Variants in PCOLCE2 observed in about 807,000 individuals in gnomAD.
The protein encoded by PCOLCE2 is procollagen C-proteinase enhancer 2.
Under a neutral mutation model 47.0 loss-of-function variants are expected in PCOLCE2, and 42 were observed. The ratio of observed to expected loss-of-function variants is 0.89; its 90% CI spans 0.70 to 1.16. PCOLCE2 has a LOEUF of 1.16. Among genes scored for constraint, PCOLCE2 ranks in the 50% most tolerant of loss-of-function variants. The pLI is 0.00. For missense variants in PCOLCE2, 500 were observed against 526.1 expected, an observed-to-expected ratio of 0.95 and a Z score of 0.49; for synonymous variants, 169 against 191.7, an observed-to-expected ratio of 0.88 and a Z score of 0.98.
intron 2 of PCOLCE2, among the ~76,000 whole-genome samples, chr3:142,848,798 C>T (rs895113477): frequency 6.6e-6 from 1 of 152,136 alleles, no homozygotes; most frequent in African/African-American, 2.4e-5. Flanking sequence ...CTGATTGGAC[C>T]TTAGCATATA....
intron 2 of PCOLCE2, among the ~76,000 whole-genome samples, chr3:142,849,097 G>A (rs925207844): frequency 1.2e-4 from 18 of 151,740 alleles, no homozygotes; most frequent in Non-Finnish European, 2.4e-4. Context: ...AGCTTGCAGT[G>A]AGCCGAGATC....
intron 2 of PCOLCE2, among the ~76,000 whole-genome samples, chr3:142,883,700 A>T (rs1287881855): frequency 7.4e-6 from 1 of 135,742 alleles, no homozygotes; most frequent in East Asian, 2.1e-4. Flanking sequence ...ACTTTTCTTT[A>T]AAAAAAAAAA....
intron 2 of PCOLCE2, among the ~76,000 whole-genome samples, chr3:142,855,208 C>T (rs1304467031): frequency 1.3e-5 from 2 of 152,204 alleles, no homozygotes; most frequent in Non-Finnish European, 2.9e-5. Context: ...GATTATTTAT[C>T]ATCTGTCTCA....
At chr3:142,865,251 T>C (rs943787236) in intron 2 of PCOLCE2, among the ~76,000 whole-genome samples, 3 of 152,128 alleles carry the variant, frequency 2.0e-5, no homozygotes, top group Non-Finnish European at 4.4e-5. Context: ...ATGTTGAGCA[T>C]CTCTTCATGT....
chr3:142,857,299 G>A (rs1351408745), intron 2 of PCOLCE2, among the ~76,000 whole-genome samples: 1 of 152,338 alleles, frequency 6.6e-6, no homozygotes, highest in East Asian at 1.9e-4. Flanking sequence ...ATCAGTGTGT[G>A]TCCTGCCTGC....
chr3:142,876,251 G>A (rs1326089828), intron 2 of PCOLCE2, among the ~76,000 whole-genome samples: 1 of 152,200 alleles, frequency 6.6e-6, no homozygotes, highest in Non-Finnish European at 1.5e-5. Flanking sequence ...TGTTCAATAA[G>A]TATAATATTT....
intron 6 of PCOLCE2, among the ~76,000 whole-genome samples, chr3:142,829,030 G>C (rs569502179): frequency 6.6e-6 from 1 of 152,102 alleles, no homozygotes; most frequent in African/African-American, 2.4e-5. Context: ...TTTCCTTCCC[G>C]CTTTTCCCCC....
chr3:142,880,957 TA>T (rs1560142672), intron 2 of PCOLCE2, among the ~76,000 whole-genome samples: 1 of 152,228 alleles, frequency 6.6e-6, no homozygotes, highest in Non-Finnish European at 1.5e-5. Flanking sequence ...CAATAATTTT[TA>T]AAAGTGAAAA....
At position 142,887,708 on chromosome 3, in the gene PCOLCE2, T is replaced by C. The variant is rs995931730; in HGVS notation, c.153A>G (p.Gly51=). Residue 51 remains glycine (G), a synonymous_variant, in exon 2 of 9, where the codon GGA becomes GGG. Coordinates refer to ENST00000295992, the MANE Select transcript of PCOLCE2 (RefSeq NM_013363.4). ...SGFIGSEGFP[G]VYPPNSKCTW... ...TACATTTGCTATTTGGAGGGTACAC[T>C]CCAGGAAAACCTTCACTGCCAATAA... 1.2e-6 allele frequency: 2 copies of C among 1,606,992 alleles called. No individual in the cohort carries two copies. The highest frequency in any genetic ancestry group is 1.7e-5 in the Admixed American group (1 of 59,990).
chr3:142,818,399 A>T lies in PCOLCE2; in HGVS notation c.1184T>A (p.Phe395Tyr). ...DGRGKIMPNS[F>Y]IMMFKTKNQK... ...ATTCTTGGTCTTGAACATCATGATA[A>T]AGCTGTTTGGCATGATTTTGCCTCG... is the stretch of plus-strand genomic sequence containing the variant. Residue 395 changes from phenylalanine to tyrosine, a missense_variant, in exon 9 of 9, where the codon TTT (phenylalanine) becomes TAT (tyrosine). Physicochemically the swap from Phe to Tyr is conservative, Grantham distance 22. Transcript: ENST00000295992. 1 of 1,613,342 alleles carries T rather than the reference A, an allele frequency of 6.2e-7. No homozygotes were observed.
intron 2 of PCOLCE2, among the ~76,000 whole-genome samples, chr3:142,870,461 C>A (rs1933367486): frequency 6.6e-6 from 1 of 152,156 alleles, no homozygotes; most frequent in Non-Finnish European, 1.5e-5. Flanking sequence ...TTACTGATTT[C>A]TCTGAAGAGT....
intron 6 of PCOLCE2, among the ~76,000 whole-genome samples, chr3:142,825,639 T>C (rs144625733): frequency 6.0e-4 from 92 of 152,300 alleles, no homozygotes; most frequent in African/African-American, 2.1e-3. Context: ...TCTATGACTA[T>C]GTTTTCTTCC....
At chr3:142,835,815 T>C (rs36088833) in intron 5 of PCOLCE2, among the ~76,000 whole-genome samples, 4 of 151,818 alleles carry the variant, frequency 2.6e-5, no homozygotes, top group Admixed American at 2.0e-4. Flanking sequence ...TTAATTTTTT[T>C]AAAAAAATTT....
At chr3:142,884,848 G>A (rs1358723551) in intron 2 of PCOLCE2, among the ~76,000 whole-genome samples, 2 of 152,214 alleles carry the variant, frequency 1.3e-5, no homozygotes, top group African/African-American at 4.8e-5. Flanking sequence ...GAAAAATTGT[G>A]ATGACAGAAA....
At chr3:142,820,458 T>G (rs1359281614) in intron 8 of PCOLCE2, among the ~76,000 whole-genome samples, 1 of 152,216 alleles carries the variant, frequency 6.6e-6, no homozygotes, top group Non-Finnish European at 1.5e-5. Context: ...TCCATGGACT[T>G]AATAGTCCTA....
chr3:142,827,092 A>G lies in PCOLCE2; in HGVS notation c.865+2600T>C, dbSNP rs73864455. The G allele has an allele frequency of 1.7e-3, 2,382 of 1,371,216 alleles. 28 individuals carry two copies. The African/African-American group carries it at 0.031, about 18-fold the overall frequency. The allele number at this position is 1,371,216 out of a possible 1,614,324, so 84.9% of individuals were successfully genotyped here. On this transcript the variant is annotated intron_variant, in intron 6 of 8. Transcript: ENST00000295992. ...AAAGACAAACTTTATTGAGCCCCTT[A>G]GCACTAGTTCTCTTTCTCCTGCACA...
At chr3:142,868,253 TA>T (rs372103182) in intron 2 of PCOLCE2, among the ~76,000 whole-genome samples, 49 of 152,246 alleles carry the variant, frequency 3.2e-4, no homozygotes, top group Middle Eastern at 3.4e-3. Context: ...AAGGACCACT[TA>T]ATAGTAATAT....
At chr3:142,821,372 T>A (rs1223297254) in intron 7 of PCOLCE2, among the ~76,000 whole-genome samples, 1 of 152,178 alleles carries the variant, frequency 6.6e-6, no homozygotes, top group South Asian at 2.1e-4. Context: ...GTCTGGCTTA[T>A]GAGGCTCTAC....
At chr3:142,844,580 C>A (rs1449149996) in intron 3 of PCOLCE2, among the ~76,000 whole-genome samples, 1 of 152,158 alleles carries the variant, frequency 6.6e-6, no homozygotes, top group African/African-American at 2.4e-5. Flanking sequence ...GTTTTTCTAG[C>A]CAACATGGTG....
Sources: allele counts gnomAD v4.1 joint callset (sites outside exome capture counted in the v4.1 genomes callset), GRCh38; gene constraint gnomAD v4.1.1; transcripts MANE v1.5; gene names NCBI Gene and HGNC (gene_info 2026-07-23, HGNC 2026-07-21).